Variants in IL27 observed in about 807,000 individuals in gnomAD.
IL27 encodes the protein interleukin-27 subunit alpha.
IL27 carries 11 observed loss-of-function variants against 27.0 expected under a neutral mutation model. The ratio of observed to expected loss-of-function variants is 0.41; its 90% confidence interval spans 0.26 to 0.67. IL27 has a LOEUF of 0.67. Among genes scored for constraint, IL27 ranks in the 30% least tolerant of loss-of-function variants. IL27 has a pLI of 0.34. For missense variants in IL27, 299 were observed against 310.4 expected (o/e 0.96, Z 0.28); for synonymous variants, 134 against 140.6 (o/e 0.95, Z 0.33).
At position 28,506,819 on chromosome 16, in the gene IL27, C is replaced by T; in HGVS notation, c.-8G>A. The T allele has an allele frequency of 6.2e-7, 1 of 1,611,566 alleles. No homozygotes were observed. The highest frequency in any genetic ancestry group is 8.5e-7 in the Non-Finnish European group (1 of 1,178,854). On this transcript the variant is annotated 5_prime_UTR_variant, in exon 1 of 5. Coordinates refer to ENST00000356897, the MANE Select transcript of IL27 (RefSeq NM_145659.3). ...GCCTGCCGTCTGGCCCATGGCGGGG[C>T]CCAGCCTCTTTGGTCAGCCATCTCC...
Position 28,503,551 on chromosome 16 carries a change from C to A in IL27, c.303+144G>T. The A allele has an allele frequency of 1.4e-5, 9 of 645,572 alleles. No individual in the cohort carries two copies. In the South Asian group the frequency reaches 1.8e-4, roughly 13 times the overall value. 40.0% of individuals were successfully genotyped at this position (645,572 alleles called of 1,614,324 possible). A position where few individuals can be genotyped will look rare whatever the true frequency, so the allele number is the denominator to read the frequency against. Reference sequence around the variant, plus strand: ...TATAGGTGTAAGTCACCATGCCTGTCTTTCATCTCTATGTCCAATGACATA... The same window carrying A: ...TATAGGTGTAAGTCACCATGCCTGTATTTCATCTCTATGTCCAATGACATA... On this transcript the variant is annotated intron_variant, in intron 3 of 4. Coordinates refer to ENST00000356897, the MANE Select transcript of IL27 (RefSeq NM_145659.3).
intron 1 of IL27, among the ~76,000 whole-genome samples, chr16:28,505,210 G>A (rs1439648348): frequency 6.6e-6 from 1 of 152,240 alleles, no homozygotes; most frequent in Non-Finnish European, 1.5e-5. Flanking sequence ...TGGCCATGAG[G>A]TCCCCAGGGA....
chr16:28,503,457 T>C (rs1324466330), intron 3 of IL27, among the ~76,000 whole-genome samples: 4 of 152,206 alleles, frequency 2.6e-5, no homozygotes, highest in Non-Finnish European at 4.4e-5. Flanking sequence ...TTCACTATGT[T>C]GCCCAGACTG....
rs1051580475 is a variant in IL27 at position 28,504,121 on chromosome 16, G to C, written c.32-71C>G. ...AAGGAAGGGAACATGCCTTTTCTGA[G>C]CCTGTGCTAGCTGTGAGCACGGTGC... On this transcript the variant is annotated intron_variant, in intron 1 of 4. Coordinates refer to ENST00000356897, the MANE Select transcript of IL27 (RefSeq NM_145659.3). 97 of 1,464,624 alleles carry C rather than the reference G, an allele frequency of 6.6e-5. No individual in the cohort carries two copies. In the African/African-American group the frequency reaches 1.3e-3, roughly 20 times the overall value. 90.7% of individuals were successfully genotyped at this position (1,464,624 alleles called of 1,614,324 possible).
rs1485661577 is a variant in IL27 at position 28,499,889 on chromosome 16, T to C, written c.494A>G (p.Glu165Gly). 6.4e-7 allele frequency: 1 copy of C among 1,551,530 alleles called. No homozygotes were observed. The highest frequency in any genetic ancestry group is 8.7e-7 in the Non-Finnish European group (1 of 1,146,846). Reference protein sequence around the residue: ...VLAAGFNLPEEEEEEEEEEEE... With the variant: ...VLAAGFNLPEGEEEEEEEEEE... ...CTCCTCCTCCTCTTCCTCCTCCTCC[T>C]CCTCCGGGAGGTTGAATCCTGCAGC... Residue 165 changes from glutamate to glycine, a missense_variant, in exon 5 of 5, where the codon GAG becomes GGG. Glu to Gly is a moderately conservative substitution (Grantham distance 98). Transcript: ENST00000356897.
At position 28,504,001 on chromosome 16, in the gene IL27, C is replaced by T; in HGVS notation, c.81G>A (p.Trp27Ter). The part of the protein sequence containing the change: ...LPLLLVQAGV[W>*]GFPRPPGRPQ... The stretch of plus-strand genomic sequence containing the variant: ...GCCTCCCTGGGGGCCTTGGGAATCC[C>T]CAGACACCAGCTTGAACCAGGAGCA... Residue 27 changes from tryptophan (W) to a stop codon, truncating the protein, a stop_gained, in exon 2 of 5, where the codon TGG (tryptophan) becomes TGA (stop). Coordinates refer to ENST00000356897, the MANE Select transcript of IL27 (RefSeq NM_145659.3). LOFTEE classifies it high-confidence loss of function. 2 of 1,613,426 alleles carry T rather than the reference C, an allele frequency of 1.2e-6. No homozygotes were observed. Among genetic ancestry groups the T allele is most frequent in the Non-Finnish European group, 1.7e-6 (2 of 1,179,580 alleles).
intron 1 of IL27, among the ~76,000 whole-genome samples, chr16:28,505,447 C>T (rs566357627): frequency 6.6e-6 from 1 of 152,270 alleles, no homozygotes; most frequent in South Asian, 2.1e-4. Context: ...AGCAATTCTC[C>T]TGCCTCAGCC....
Position 28,500,052 on chromosome 16 carries a change from T to G in IL27, c.463-132A>C, listed in dbSNP as rs1567270151. 1.1e-5 allele frequency: 13 copies of G among 1,233,242 alleles called. No homozygotes were observed. The East Asian group carries it at 2.8e-4, about 27-fold the overall frequency. 76.4% of individuals were successfully genotyped at this position (1,233,242 alleles called of 1,614,324 possible). On this transcript the variant is annotated intron_variant, in intron 4 of 4. Transcript: ENST00000356897. Reference sequence around the variant, plus strand: ...GGTCATGATTTCCCCGGACATTCCCTGCTTGATCTTCCATGATGTCACCTG... The same window carrying G: ...GGTCATGATTTCCCCGGACATTCCCGGCTTGATCTTCCATGATGTCACCTG...
At position 28,503,746 on chromosome 16, in the gene IL27, T is replaced by C. The variant is rs2046446533; in HGVS notation, c.252A>G (p.Gly84=). 1.2e-6 allele frequency: 2 copies of C among 1,613,722 alleles called. No individual in the cohort carries two copies. The highest frequency in any genetic ancestry group is 1.3e-5 in the African/African-American group (1 of 75,028). The change falls in exon 3 of 5, where the codon GGA becomes GGG. Residue 84 remains glycine (G), a synonymous_variant. Transcript: ENST00000356897. ...PGVNLYLLPL[G]EQLPDVSLTF... is the part of the protein sequence containing the mutation. ...TCAGGGAAACATCAGGGAGCTGCTC[T>C]CCCAGGGGCAGGAGGTACAGGTTCA...
At chr16:28,503,624 C>G (rs2046445543) in intron 3 of IL27, 71 bp downstream of exon 3, 4 of 1,135,542 alleles carry the variant, frequency 3.5e-6, no homozygotes, top group Non-Finnish European at 5.1e-6. Context: ...AGCTCAATCT[C>G]CAGCCTCATC....
At chr16:28,504,529 C>T (rs2046451223) in intron 1 of IL27, among the ~76,000 whole-genome samples, 1 of 151,818 alleles carries the variant, frequency 6.6e-6, no homozygotes, top group African/African-American at 2.4e-5. Context: ...CAGCACGGCC[C>T]CCATATGGCA....
At chr16:28,505,151 T>G (rs2046454373) in intron 1 of IL27, among the ~76,000 whole-genome samples, 1 of 152,222 alleles carries the variant, frequency 6.6e-6, no homozygotes, top group South Asian at 2.1e-4. Context: ...CACACCATGT[T>G]CTGGCAAGGA....
At chr16:28,506,055 T>G (rs555098062) in intron 1 of IL27, among the ~76,000 whole-genome samples, 1 of 152,242 alleles carries the variant, frequency 6.6e-6, no homozygotes, top group Non-Finnish European at 1.5e-5. Flanking sequence ...CCTAGCTCAA[T>G]GTTGGGGACA....
chr16:28,500,055 T>A, intron 4 of IL27, 135 bp from the exon 5 acceptor site: 1 of 1,221,620 alleles, frequency 8.2e-7, no homozygotes, highest in Non-Finnish European at 1.1e-6. Flanking sequence ...CATTCCCTGC[T>A]TGATCTTCCA....
rs201262205 is a variant in IL27 at position 28,506,707 on chromosome 16, C to A, written c.31+74G>T. 4 of 1,446,864 alleles carry A rather than the reference C, an allele frequency of 2.8e-6. No individual in the cohort carries two copies. The Admixed American group carries it at 6.0e-5, about 22-fold the overall frequency. The allele number at this position is 1,446,864 out of a possible 1,614,324, so 89.6% of individuals were successfully genotyped here. A position where few individuals can be genotyped will look rare whatever the true frequency, so the allele number is the denominator to read the frequency against. ...TTGCTGCTCTCAGCTCTCGACCCCC[C>A]ATCTGCACCAGCCAAGCTCGTCCAT... On this transcript the variant is annotated intron_variant, in intron 1 of 4. Coordinates refer to ENST00000356897, the MANE Select transcript of IL27 (RefSeq NM_145659.3).
chr16:28,501,993 G>A lies in IL27; in HGVS notation c.445C>T (p.Arg149Trp), dbSNP rs771774553. The change falls in exon 4 of 5, where the codon CGG becomes TGG. Residue 149 changes from arginine (R) to tryptophan (W), a missense_variant. Transcript: ENST00000356897. The stretch of plus-strand genomic sequence containing the variant: ...GGCTCTACCTGGAAGCGGAGGTGCC[G>A]CTGCAGATCGCGGAGGTCCAGCCTC... ...AMRLDLRDLQ[R>W]HLRFQVLAAG... 113 of 1,606,992 alleles carry A rather than the reference G, an allele frequency of 7.0e-5. No individual in the cohort carries two copies. The highest frequency in any genetic ancestry group is 9.1e-5 in the Non-Finnish European group (107 of 1,178,262).
intron 4 of IL27, among the ~76,000 whole-genome samples, 165 bp from the exon 5 acceptor site, chr16:28,500,085 G>T (rs188668515): frequency 6.6e-6 from 1 of 152,154 alleles, no homozygotes; most frequent in Non-Finnish European, 1.5e-5. Flanking sequence ...CTGCTAACGC[G>T]TCTCACCTGA....
intron 4 of IL27, among the ~76,000 whole-genome samples, chr16:28,501,222 A>G (rs1297436220): frequency 6.6e-6 from 1 of 151,146 alleles, no homozygotes; most frequent in African/African-American, 2.4e-5. Context: ...GTACCCACAT[A>G]CTCTCACACT....
Position 28,499,650 on chromosome 16 carries a change from A to AT in IL27, c.732dup, listed in dbSNP as rs2046418930. ...GGGGCAGGGGGCTAAGAAGCCACCG[A>AT]TCAGGGCTGGGGGCTCAATGTTGGG... On this transcript the variant is annotated 3_prime_UTR_variant, in exon 5 of 5. Coordinates refer to ENST00000356897, the MANE Select transcript of IL27 (RefSeq NM_145659.3). The AT allele has an allele frequency of 6.2e-7, 1 of 1,607,500 alleles. No homozygotes were observed. The highest frequency in any genetic ancestry group is 2.2e-5 in the East Asian group (1 of 44,658).
Sources: gnomAD v4.1 joint callset for allele counts (sites outside exome capture counted in the v4.1 genomes callset) on GRCh38, gnomAD v4.1.1 for gene constraint, MANE v1.5 for transcripts, NCBI Gene and HGNC (gene_info 2026-07-23, HGNC 2026-07-21) for gene names.